Variants in EVC2 observed in about 807,000 individuals in gnomAD.
EVC2 encodes the protein EvC ciliary complex subunit 2.
In EVC2, 148 loss-of-function variants were observed where a neutral mutation model predicts 149.3. The observed-to-expected ratio is 0.99, with a 90% CI of 0.87 to 1.14. The LOEUF (loss-of-function observed/expected upper bound fraction) is 1.14, where lower values mean the gene tolerates loss of function less well. EVC2 is among the 50% of genes most tolerant of loss of function. EVC2 has a pLI of 0.00. For synonymous variants in EVC2, 776 were observed against 649.9 expected, an observed-to-expected ratio of 1.19 and a Z score of -2.95; for missense variants, 1,854 against 1,627.3, an observed-to-expected ratio of 1.14 and a Z score of -2.40.
intron 7 of EVC2, among the ~76,000 whole-genome samples, chr4:5,672,004 A>ATAGT (rs1412069830): frequency 6.6e-6 from 1 of 152,224 alleles, no homozygotes; most frequent in Admixed American, 6.5e-5. Flanking sequence ...GCCCTGTACT[A>ATAGT]GGTGCTGGAA....
At chr4:5,620,650 T>C (rs538381028) in intron 14 of EVC2, among the ~76,000 whole-genome samples, 2 of 152,314 alleles carry the variant, frequency 1.3e-5, no homozygotes, top group African/African-American at 4.8e-5. Flanking sequence ...CAGACTCACA[T>C]TGCGTACACT....
At chr4:5,690,086 T>C (rs1352803212) in intron 4 of EVC2, among the ~76,000 whole-genome samples, 1 of 152,146 alleles carries the variant, frequency 6.6e-6, no homozygotes, top group African/African-American at 2.4e-5. Flanking sequence ...CTGCCACCTG[T>C]GTGAAAAAAA....
At chr4:5,547,501 T>C (rs1178447327) in intron 21 of EVC2, among the ~76,000 whole-genome samples, 2 of 152,162 alleles carry the variant, frequency 1.3e-5, no homozygotes, top group Non-Finnish European at 2.9e-5. Context: ...GAACTTGTGG[T>C]GCCTTTTCCA....
At chr4:5,641,451 T>G (rs1006743217) in intron 9 of EVC2, among the ~76,000 whole-genome samples, 10 of 152,338 alleles carry the variant, frequency 6.6e-5, no homozygotes, top group African/African-American at 2.4e-4. Context: ...TTCTCAATTT[T>G]TTTGTAAATC....
At chr4:5,584,570 G>A (rs1467616330) in intron 17 of EVC2, 53 bp downstream of exon 17, 2 of 1,549,738 alleles carry the variant, frequency 1.3e-6, no homozygotes, top group Non-Finnish European at 1.8e-6. Context: ...GCAGAGGTAG[G>A]TACCAGAAAG....
chr4:5,608,296 C>T (rs1266865878), intron 16 of EVC2, among the ~76,000 whole-genome samples: 1 of 152,216 alleles, frequency 6.6e-6, no homozygotes, highest in African/African-American at 2.4e-5. Context: ...TCTGGGGACA[C>T]CACATGGCCT....
intron 1 of EVC2, among the ~76,000 whole-genome samples, chr4:5,701,058 C>T (rs964001300): frequency 7.2e-5 from 11 of 152,196 alleles, no homozygotes; most frequent in African/African-American, 2.7e-4. Flanking sequence ...TCTGGAGGCT[C>T]CAGGGGAAAA....
intron 17 of EVC2, among the ~76,000 whole-genome samples, chr4:5,584,341 A>T (rs1712075451): frequency 6.6e-6 from 1 of 152,210 alleles, no homozygotes. Flanking sequence ...TGTCCTCCCT[A>T]GCACAATGAA....
chr4:5,703,822 A>G (rs1406537401), intron 1 of EVC2, among the ~76,000 whole-genome samples: 2 of 152,204 alleles, frequency 1.3e-5, no homozygotes, highest in African/African-American at 4.8e-5. Flanking sequence ...AGAACAGTGG[A>G]GCAAAATAAA....
At chr4:5,612,386 C>T (rs1577155942) in intron 16 of EVC2, among the ~76,000 whole-genome samples, 1 of 152,132 alleles carries the variant, frequency 6.6e-6, no homozygotes, top group Non-Finnish European at 1.5e-5. Flanking sequence ...GAAAAAACTA[C>T]AGGAAGGAAT....
At position 5,618,151 on chromosome 4, in the gene EVC2, G is replaced by C. The variant is rs1301792434; in HGVS notation, c.2706+327C>G. 1.3e-5 allele frequency among the ~76,000 whole-genome samples: 2 copies of C among 152,126 alleles called. No homozygotes were observed. The highest frequency in any genetic ancestry group is 2.9e-5 in the Non-Finnish European group (2 of 68,024). ...GTCATTAGCTGTGGCTGGAGGAGGG[G>C]GCAGGAGAGACAGAGTAATATCTCA... On this transcript the variant is annotated intron_variant, in intron 15 of 21. Coordinates refer to ENST00000344408, the MANE Select transcript of EVC2 (RefSeq NM_147127.5). This position sits in a 1 kb window ranked among gnomAD's most constrained non-coding sequence, Gnocchi z 4.4.
At chr4:5,539,018 TCAA>T (rs1351206544), downstream of EVC2, among the ~76,000 whole-genome samples, 1 of 152,134 alleles carries the variant, frequency 6.6e-6, no homozygotes, top group Non-Finnish European at 1.5e-5. Context: ...CTGTCTTTAT[TCAA>T]CAACACCATG....
At chr4:5,538,924 A>G (rs1287297465), downstream of EVC2, among the ~76,000 whole-genome samples, 2 of 152,194 alleles carry the variant, frequency 1.3e-5, no homozygotes, top group Non-Finnish European at 2.9e-5. Flanking sequence ...CAACTCATTA[A>G]ACATTGTCCT....
rs564162888 is a variant in EVC2 at position 5,681,865 on chromosome 4, G to A, written c.817-552C>T. Among the ~76,000 whole-genome samples the A allele has an allele frequency of 3.6e-4, 55 of 152,268 alleles. 1 individual carries two copies. The highest frequency in any genetic ancestry group is 3.2e-3 in the Admixed American group (49 of 15,298). ...CGCATGGTGACCGACAAGACCCACCGTGAGAACATACTTCTTCCTGGGGGT... is the reference window on the plus strand; with the variant it reads ...CGCATGGTGACCGACAAGACCCACCATGAGAACATACTTCTTCCTGGGGGT... On this transcript the variant is annotated intron_variant, in intron 6 of 21. Transcript: ENST00000344408.
intron 10 of EVC2, among the ~76,000 whole-genome samples, chr4:5,634,742 G>C (rs1716775803): frequency 6.6e-6 from 1 of 152,102 alleles, no homozygotes; most frequent in Non-Finnish European, 1.5e-5. Context: ...GCAGAGATGA[G>C]AAAACTAAGC....
intron 16 of EVC2, among the ~76,000 whole-genome samples, chr4:5,593,639 C>T (rs536569195): frequency 1.1e-3 from 165 of 152,294 alleles, no homozygotes; most frequent in Non-Finnish European, 2.1e-3. Context: ...CCAGCGTGAG[C>T]GACGCACAAG....
rs572419702 is a variant in EVC2, at chr4:5,605,394, G to A, written c.2829+10028C>T. Among the ~76,000 whole-genome samples, 14 of 152,242 alleles carry A rather than the reference G, an allele frequency of 9.2e-5. No individual in the cohort carries two copies. In the South Asian group the frequency reaches 2.9e-3, roughly 32 times the overall value. ...TTGATTTTTGTTTGTTTAATGTGGT[G>A]AGCCTGCTGGGCTCCACCCGTGATG... On this transcript the variant is annotated intron_variant, in intron 16 of 21. Coordinates refer to ENST00000344408, the MANE Select transcript of EVC2 (RefSeq NM_147127.5).
chr4:5,676,777 C>T (rs1182778436), intron 7 of EVC2, among the ~76,000 whole-genome samples: 4 of 152,180 alleles, frequency 2.6e-5, no homozygotes, highest in Non-Finnish European at 2.9e-5. Context: ...CTGTCAGTGT[C>T]CATGGTACAA....
At chr4:5,681,882 C>T (rs1002790036) in intron 6 of EVC2, among the ~76,000 whole-genome samples, 2 of 152,160 alleles carry the variant, frequency 1.3e-5, no homozygotes, top group Non-Finnish European at 2.9e-5. Flanking sequence ...CATACTTCTT[C>T]CTGGGGGTAA....
Sources: gnomAD v4.1 joint callset for allele counts (sites outside exome capture counted in the v4.1 genomes callset) on GRCh38, gnomAD v4.1.1 for gene constraint, Gnocchi (gnomAD v3.1) non-coding constraint, MANE v1.5 for transcripts, NCBI Gene and HGNC (gene_info 2026-07-23, HGNC 2026-07-21) for gene names.